The following ZNF134 variants were observed in gnomAD, a reference collection of about 807,000 sequenced individuals.
The protein encoded by ZNF134 is zinc finger protein 134.
ZNF134 carries 5 observed loss-of-function variants against 2.5 expected under a neutral mutation model. The ratio of observed to expected loss-of-function variants is 2.03; its 90% CI spans 1.06 to 4.27. ZNF134 has a LOEUF of 4.27. ZNF134 is among the 30% of genes most tolerant of loss of function. The pLI is 0.00. For missense variants in ZNF134, 540 were observed against 517.5 expected (o/e 1.04, Z -0.42); for synonymous variants, 176 against 176.2 (o/e 1.00, Z 0.01).
chr19:57,618,754 A>G (rs1468101869), intron 1 of ZNF134: 1 of 152,566 alleles, frequency 6.6e-6, no homozygotes, highest in Non-Finnish European at 1.5e-5. Context: ...ACACAGGGCT[A>G]TGTGACCTTC....
chr19:57,617,933 G>C (rs1981095477), intron 1 of ZNF134, among the ~76,000 whole-genome samples: 1 of 152,202 alleles, frequency 6.6e-6, no homozygotes, highest in South Asian at 2.1e-4. Flanking sequence ...AGTGAGGCCA[G>C]AGCCAGTGCT....
At chr19:57,615,346 T>A (rs10403965) in intron 1 of ZNF134, among the ~76,000 whole-genome samples, 12,706 of 151,472 alleles carry the variant, frequency 0.084, 538 homozygotes, top group East Asian at 0.095. Flanking sequence ...TTCAAGGAAG[T>A]TATTTTGTGT....
intron 1 of ZNF134, among the ~76,000 whole-genome samples, chr19:57,617,627 A>C (rs1470872023): frequency 6.6e-6 from 1 of 152,128 alleles, no homozygotes; most frequent in African/African-American, 2.4e-5. Context: ...CAGAGATCTG[A>C]AGTTCAGAGA....
chr19:57,620,130 T>C (rs749062071), intron 2 of ZNF134, 30 bp from the exon 3 acceptor site: 9 of 1,593,152 alleles, frequency 5.6e-6, no homozygotes, highest in Non-Finnish European at 7.7e-6. Context: ...AAAGTCAGCA[T>C]GTACATCAAT....
intron 1 of ZNF134, among the ~76,000 whole-genome samples, chr19:57,616,119 A>G (rs1472910521): frequency 6.6e-6 from 1 of 152,210 alleles, no homozygotes; most frequent in Non-Finnish European, 1.5e-5. Context: ...CCCATCCCCA[A>G]CCAGTGCATT....
chr19:57,615,242 G>T (rs1981019965), intron 1 of ZNF134, among the ~76,000 whole-genome samples: 1 of 152,086 alleles, frequency 6.6e-6, no homozygotes. Flanking sequence ...TGAACATGCA[G>T]GTCTGGGGTT....
Position 57,624,466 on chromosome 19 carries a change from A to G in ZNF134, c.*3063A>G, listed in dbSNP as rs1981320758. On this transcript the variant is annotated 3_prime_UTR_variant, in exon 3 of 3. Coordinates refer to ENST00000396161, the MANE Select transcript of ZNF134 (RefSeq NM_003435.5). ...TAACAGAAAACCCAAAACAAAAGAG[A>G]AAACTGCCAGAACCCCAGTCAGGGT... The G allele has an allele frequency of 6.6e-6, 1 of 152,168 alleles. No homozygotes were observed. The highest frequency in any genetic ancestry group is 1.5e-5 in the Non-Finnish European group (1 of 68,032). 9.4% of individuals were successfully genotyped at this position (152,168 alleles called of 1,614,324 possible). A position where few individuals can be genotyped will look rare whatever the true frequency, so the allele number is the denominator to read the frequency against.
chr19:57,620,035 TC>T, intron 2 of ZNF134, 124 bp from the exon 3 acceptor site: 1 of 1,123,354 alleles, frequency 8.9e-7, no homozygotes, highest in Non-Finnish European at 1.3e-6. Flanking sequence ...TTCAACCTGA[TC>T]CTAGCTCTGT....
At position 57,622,297 on chromosome 19, in the gene ZNF134, T is replaced by C. The variant is rs1036590780; in HGVS notation, c.*894T>C. On this transcript the variant is annotated 3_prime_UTR_variant, in exon 3 of 3. Coordinates refer to ENST00000396161, the MANE Select transcript of ZNF134 (RefSeq NM_003435.5). ...TGAGGGAAAGCTGTTCCTCAGGACC[T>C]GCTGAGTGGCCATATTCCCTGAAGG... is the stretch of plus-strand genomic sequence containing the variant. 14 of 152,434 alleles carry C rather than the reference T, an allele frequency of 9.2e-5. No homozygotes were observed. Among genetic ancestry groups the C allele is most frequent in the African/African-American group, 3.4e-4 (14 of 41,566 alleles). 9.4% of individuals were successfully genotyped at this position (152,434 alleles called of 1,614,324 possible).
At chr19:57,620,009 G>A in intron 2 of ZNF134, 151 bp from the exon 3 acceptor site, 2 of 845,594 alleles carry the variant, frequency 2.4e-6, no homozygotes, top group South Asian at 1.8e-5. Flanking sequence ...TTCCAGTACT[G>A]TACAGCAGCC....
intron 1 of ZNF134, chr19:57,618,983 C>A (rs911238177): frequency 3.7e-5 from 7 of 188,298 alleles, no homozygotes; most frequent in Non-Finnish European, 5.6e-5. Flanking sequence ...CTGCTCTCTT[C>A]TCTGATTCCC....
chr19:57,615,737 G>T (rs534542637), intron 1 of ZNF134, among the ~76,000 whole-genome samples: 1 of 152,314 alleles, frequency 6.6e-6, no homozygotes, highest in African/African-American at 2.4e-5. Context: ...ATAAGGAAGA[G>T]GGAAGGGGAA....
At position 57,620,951 on chromosome 19, in the gene ZNF134, C is replaced by G. The variant is rs62126242; in HGVS notation, c.832C>G (p.His278Asp). 2.5e-6 allele frequency: 4 copies of G among 1,614,102 alleles called. No individual in the cohort carries two copies. The African/African-American group carries it at 5.3e-5, about 22-fold the overall frequency. The change falls in exon 3 of 3, where the codon CAC becomes GAC. Residue 278 changes from histidine (H) to aspartate (D), a missense_variant. Transcript: ENST00000396161. The stretch of plus-strand genomic sequence containing the variant: ...TAGCCATCACTCCAATCTAATTGTA[C>G]ACCAGAGAGTTCACAATGGAGCAAG... The part of the protein sequence containing the change: ...YFSHHSNLIV[H>D]QRVHNGARPY...
In ZNF134 at chr19:57,620,329, T is replaced by C. The variant is rs777599729; in HGVS notation, c.210T>C (p.Gly70=). 1 of 1,614,158 alleles carries C rather than the reference T, an allele frequency of 6.2e-7. No individual in the cohort carries two copies. Among genetic ancestry groups the C allele is most frequent in the South Asian group, 1.1e-5 (1 of 91,090 alleles). The change falls in exon 3 of 3, where the codon GGT becomes GGC. Residue 70 remains glycine, a synonymous_variant. Transcript: ENST00000396161. ...TTTTGCACCTGGATGAACACCAGGGTACACACCATGGACTGAAACTTCACA... is the reference window on the plus strand; with the variant it reads ...TTTTGCACCTGGATGAACACCAGGGCACACACCATGGACTGAAACTTCACA... ...KDILHLDEHQ[G]THHGLKLHTC... is the part of the protein sequence containing the mutation.
At position 57,621,299 on chromosome 19, in the gene ZNF134, C is replaced by T; in HGVS notation, c.1180C>T (p.His394Tyr). Residue 394 changes from histidine to tyrosine, a missense_variant, in exon 3 of 3, where the codon CAC becomes TAC. His to Tyr is a moderately conservative substitution (Grantham distance 83). Transcript: ENST00000396161. ...TSHLVRHQRV[H>Y]TGERPYECSE... is the part of the protein sequence containing the mutation. The stretch of plus-strand genomic sequence containing the variant: ...CCACCTTGTTCGACACCAAAGAGTT[C>T]ACACTGGAGAAAGGCCATATGAGTG... 2 of 1,614,160 alleles carry T rather than the reference C, an allele frequency of 1.2e-6. No homozygotes were observed. The highest frequency in any genetic ancestry group is 1.7e-6 in the Non-Finnish European group (2 of 1,180,044).
rs1388597361 is a variant in ZNF134 at position 57,624,536 on chromosome 19, G to A, written c.*3133G>A. On this transcript the variant is annotated 3_prime_UTR_variant, in exon 3 of 3. Transcript: ENST00000396161. ...CAGGCAAACCCAAATAAGGGAGGAG[G>A]GGTGGTAATCAGGGGTCCCTGAAAT... is the stretch of plus-strand genomic sequence containing the variant. 1.3e-5 allele frequency: 2 copies of A among 152,190 alleles called. No individual in the cohort carries two copies. Among genetic ancestry groups the A allele is most frequent in the Non-Finnish European group, 2.9e-5 (2 of 68,046 alleles). 9.4% of individuals were successfully genotyped at this position (152,190 alleles called of 1,614,324 possible).
At position 57,621,441 on chromosome 19, in the gene ZNF134, T is replaced by C. The variant is rs1371892622; in HGVS notation, c.*38T>C. Reference sequence around the variant, plus strand: ...TACAACAGGACTCATCAATCAGATGTTGAATTTCATGTATCTGAACATTGA... The same window carrying C: ...TACAACAGGACTCATCAATCAGATGCTGAATTTCATGTATCTGAACATTGA... On this transcript the variant is annotated 3_prime_UTR_variant, in exon 3 of 3. Transcript: ENST00000396161. 1 of 1,607,040 alleles carries C rather than the reference T, an allele frequency of 6.2e-7. No homozygotes were observed. The highest frequency in any genetic ancestry group is 1.1e-5 in the South Asian group (1 of 91,080).
chr19:57,616,811 A>G (rs1981063454), intron 1 of ZNF134, among the ~76,000 whole-genome samples: 1 of 152,172 alleles, frequency 6.6e-6, no homozygotes, highest in East Asian at 1.9e-4. Flanking sequence ...AGATTGTCTC[A>G]GGCCCTCACT....
intron 2 of ZNF134, 126 bp from the exon 3 acceptor site, chr19:57,620,034 A>G: frequency 9.0e-7 from 1 of 1,110,662 alleles, no homozygotes. Context: ...TTTCAACCTG[A>G]TCCTAGCTCT....
Sources: gnomAD v4.1 joint callset for allele counts (sites outside exome capture counted in the v4.1 genomes callset) on GRCh38, gnomAD v4.1.1 for gene constraint, MANE v1.5 for transcripts, NCBI Gene and HGNC (gene_info 2026-07-23, HGNC 2026-07-21) for gene names.